The following RFC5 variants were observed in gnomAD, a reference collection of about 807,000 sequenced individuals.
RFC5 encodes the protein replication factor C subunit 5.
Under a neutral mutation model 44.3 loss-of-function variants are expected in RFC5, and 26 were observed. The ratio of observed to expected loss-of-function variants is 0.59; its 90% CI spans 0.43 to 0.81. The LOEUF (loss-of-function observed/expected upper bound fraction) is 0.81, where lower values mean the gene tolerates loss of function less well. Ranked by LOEUF, RFC5 falls within the 40% of genes least tolerant of loss-of-function variation. RFC5 has a pLI of 0.00. For missense variants in RFC5, 328 were observed against 418.6 expected, an observed-to-expected ratio of 0.78 and a Z score of 1.89; for synonymous variants, 155 against 155.2, an observed-to-expected ratio of 1.00 and a Z score of 0.01.
Position 118,024,985 on chromosome 12 carries a change from C to A in RFC5, c.556C>A (p.Leu186Met). The change falls in exon 6 of 11, where the codon CTG (leucine) becomes ATG (methionine). Residue 186 changes from leucine to methionine, a missense_variant. By Grantham distance (15) the Leu-to-Met change is conservative (BLOSUM62 2). Coordinates refer to ENST00000454402, the MANE Select transcript of RFC5 (RefSeq NM_007370.7). ...GACTCCTGAACTCATGGTTCCCCGC[C>A]TGGAACATGTCGTGGAAGAAGAGAA... is the stretch of plus-strand genomic sequence containing the variant. Reference protein sequence around the residue: ...PLTPELMVPRLEHVVEEEKVD... With the variant: ...PLTPELMVPRMEHVVEEEKVD... 6.2e-7 allele frequency: 1 copy of A among 1,613,838 alleles called. No individual in the cohort carries two copies. Among genetic ancestry groups the A allele is most frequent in the Non-Finnish European group, 8.5e-7 (1 of 1,179,906 alleles).
chr12:118,034,572 G>GCTCTCTCTCTCTCTCTCTCT, downstream of RFC5: 1 of 453,668 alleles, frequency 2.2e-6, no homozygotes, highest in Non-Finnish European at 3.7e-6. Flanking sequence ...TGATACCAAA[G>GCTCTCTCTCTCTCTCTCTCT]CGCTCTCTCT....
downstream of RFC5, among the ~76,000 whole-genome samples, chr12:118,036,819 G>T (rs563586548): frequency 8.1e-4 from 123 of 152,336 alleles, no homozygotes; most frequent in African/African-American, 2.7e-3. Context: ...TCTGAGTCCT[G>T]TTTGCCAATA....
intron 6 of RFC5, 99 bp downstream of exon 6, chr12:118,025,109 G>T: frequency 8.5e-7 from 1 of 1,181,228 alleles, no homozygotes; most frequent in Non-Finnish European, 1.2e-6. Flanking sequence ...GTTGGAAAAC[G>T]ACTTTGCAGA....
intron 9 of RFC5, 151 bp from the exon 10 acceptor site, chr12:118,029,620 C>T: frequency 1.4e-6 from 1 of 723,426 alleles, no homozygotes; most frequent in Admixed American, 2.1e-5. Context: ...AGCACTGTTT[C>T]TACTTTCTTA....
chr12:118,017,714 A>T (rs1244985271), intron 1 of RFC5: 5 of 745,270 alleles, frequency 6.7e-6, no homozygotes, highest in Non-Finnish European at 1.0e-5. Context: ...TCTGTCGCCC[A>T]TGCTGGAGCG....
chr12:118,026,993 T>C lies in RFC5; in HGVS notation c.768T>C (p.Asn256=). ...CCAACATCCTGGACTGGATGTTGAA[T>C]CAAGATTTCACCACAGCCTACAGAA... ...DIANILDWML[N]QDFTTAYRNI... Residue 256 remains asparagine (N), a synonymous_variant, in exon 8 of 11, where the codon AAT becomes AAC. Coordinates refer to ENST00000454402, the MANE Select transcript of RFC5 (RefSeq NM_007370.7). 2 of 1,613,632 alleles carry C rather than the reference T, an allele frequency of 1.2e-6. No individual in the cohort carries two copies. Among genetic ancestry groups the C allele is most frequent in the Non-Finnish European group, 1.7e-6 (2 of 1,180,006 alleles).
chr12:118,029,942 A>C, intron 10 of RFC5, 117 bp downstream of exon 10: 1 of 774,934 alleles, frequency 1.3e-6, no homozygotes, highest in South Asian at 1.5e-5. Context: ...CATACGGTAC[A>C]ATCTAGTCTG....
rs1230717203 is a variant in RFC5 at position 118,024,852 on chromosome 12, A to G, written c.423A>G (p.Val141=). Residue 141 remains valine, a splice_region_variant and synonymous_variant, in exon 6 of 11, where the codon GTA becomes GTG. Transcript: ENST00000454402. ...GGTGGTTTTATTTTCTCTTACTAGTAATTGAGAAATTCACAGAAAATACCA... is the reference window on the plus strand; with the variant it reads ...GGTGGTTTTATTTTCTCTTACTAGTGATTGAGAAATTCACAGAAAATACCA... ...TQDAQNALRR[V]IEKFTENTRF... 6.2e-7 allele frequency: 1 copy of G among 1,604,278 alleles called. No homozygotes were observed. Among genetic ancestry groups the G allele is most frequent in the Admixed American group, 1.7e-5 (1 of 57,662 alleles).
chr12:118,027,047 C>G, intron 8 of RFC5, 29 bp downstream of exon 8: 1 of 1,601,590 alleles, frequency 6.2e-7, no homozygotes, highest in Non-Finnish European at 8.5e-7. Flanking sequence ...TCCTGGCCAC[C>G]GAGACCTGAA....
At chr12:118,034,096 C>T, downstream of RFC5, 1 of 1,469,380 alleles carries the variant, frequency 6.8e-7, no homozygotes, top group Non-Finnish European at 9.4e-7. Context: ...CAAAGAAATG[C>T]TATTTCAATG....
At chr12:118,036,592 C>T (rs183404329), downstream of RFC5, 12 of 1,432,212 alleles carry the variant, frequency 8.4e-6, no homozygotes, top group African/African-American at 1.4e-5. Context: ...GTACCACCAC[C>T]AAATCTGCAG....
In RFC5 at chr12:118,019,490, T is replaced by C. The variant is rs1162542832; in HGVS notation, c.131-142T>C. On this transcript the variant is annotated intron_variant, in intron 2 of 10. Transcript: ENST00000454402. The surrounding 1 kb of genome is among the most constrained non-coding windows in gnomAD (Gnocchi z 4.2). ...TCCAGTTGTTCCACGAAAGTAGATATGAGGCCCCTACATCAAGTTGTATCT... is the reference window on the plus strand; with the variant it reads ...TCCAGTTGTTCCACGAAAGTAGATACGAGGCCCCTACATCAAGTTGTATCT... 3.5e-6 allele frequency: 3 copies of C among 852,768 alleles called. No individual in the cohort carries two copies. Among genetic ancestry groups the C allele is most frequent in the Non-Finnish European group, 5.6e-6 (3 of 532,910 alleles). The allele number at this position is 852,768 out of a possible 1,614,324, so 52.8% of individuals were successfully genotyped here.
chr12:118,028,670 ATCTG>A (rs1036446795), intron 9 of RFC5, among the ~76,000 whole-genome samples: 7 of 151,486 alleles, frequency 4.6e-5, no homozygotes, highest in African/African-American at 1.2e-4. Flanking sequence ...CTGTCTATCT[ATCTG>A]TCTATCTAGA....
downstream of RFC5, chr12:118,034,935 G>A (rs2031471197): frequency 6.4e-7 from 1 of 1,556,656 alleles, no homozygotes; most frequent in Non-Finnish European, 8.8e-7. Context: ...AAAGCTCCAT[G>A]GTATACTCAG....
At chr12:118,030,853 G>A (rs2031272685) in intron 10 of RFC5, among the ~76,000 whole-genome samples, 1 of 152,206 alleles carries the variant, frequency 6.6e-6, no homozygotes, top group African/African-American at 2.4e-5. Flanking sequence ...GTTTCACCAT[G>A]TTGGCCAGGC....
At chr12:118,024,808 A>G in intron 5 of RFC5, 43 bp from the exon 6 acceptor site, 1 of 1,549,688 alleles carries the variant, frequency 6.5e-7, no homozygotes, top group Non-Finnish European at 8.8e-7. Flanking sequence ...CTGAAAAATC[A>G]GAATGGACTT....
At chr12:118,036,403 C>A (rs748861369), downstream of RFC5, 2 of 1,614,132 alleles carry the variant, frequency 1.2e-6, no homozygotes, top group East Asian at 2.2e-5. Context: ...CGTAAGAAGC[C>A]GTGACAAGCA....
chr12:118,030,785 T>C (rs1460444994), intron 10 of RFC5, among the ~76,000 whole-genome samples: 2 of 152,148 alleles, frequency 1.3e-5, no homozygotes, highest in African/African-American at 2.4e-5. Flanking sequence ...ATTACAGGCA[T>C]GCACTACCAT....
downstream of RFC5, chr12:118,034,340 G>A (rs1250976470): frequency 1.3e-5 from 21 of 1,614,088 alleles, no homozygotes; most frequent in Non-Finnish European, 1.7e-5. Flanking sequence ...TCCAGAACTG[G>A]ACGTGGCCAT....
Sources: gnomAD v4.1 joint callset for allele counts (sites outside exome capture counted in the v4.1 genomes callset) on GRCh38, gnomAD v4.1.1 for gene constraint, Gnocchi (gnomAD v3.1) non-coding constraint, MANE v1.5 for transcripts, NCBI Gene and HGNC (gene_info 2026-07-23, HGNC 2026-07-21) for gene names.